The following PRRX1 variants were observed in gnomAD, a reference collection of about 807,000 sequenced individuals.
PRRX1 encodes the protein paired mesoderm homeobox protein 1.
In PRRX1, 8 loss-of-function variants were observed where a neutral mutation model predicts 24.0. The observed-to-expected ratio is 0.33, with a 90% confidence interval of 0.20 to 0.60. The LOEUF (loss-of-function observed/expected upper bound fraction) is 0.60. PRRX1 is among the 20% of genes least tolerant of loss of function. PRRX1 has a pLI of 0.82. For synonymous variants in PRRX1, 160 were observed against 131.7 expected, an observed-to-expected ratio of 1.22 and a Z score of -1.47; for missense variants, 281 against 322.4, an observed-to-expected ratio of 0.87 and a Z score of 0.98.
intron 1 of PRRX1, among the ~76,000 whole-genome samples, chr1:170,698,227 T>G (rs1389881984): frequency 6.6e-6 from 1 of 152,220 alleles, no homozygotes; most frequent in African/African-American, 2.4e-5. Flanking sequence ...CCAACTTAAC[T>G]GGCAACAAGG....
chr1:170,719,165 G>C (rs12138799), intron 1 of PRRX1, among the ~76,000 whole-genome samples: 7,855 of 152,282 alleles, frequency 0.052, 267 homozygotes, highest in Middle Eastern at 0.13. Flanking sequence ...TGAGTGAATG[G>C]TGTTAGAAAT....
At chr1:170,688,788 C>T (rs1166340568) in intron 1 of PRRX1, among the ~76,000 whole-genome samples, 1 of 152,108 alleles carries the variant, frequency 6.6e-6, no homozygotes, top group African/African-American at 2.4e-5. Context: ...GAACTGTTTA[C>T]AGGAAATTCC....
rs557831781 is a variant in PRRX1, at chr1:170,697,717, GATATATAAATATATAC to G, written c.242-21993_242-21978del. 7.7e-3 allele frequency among the ~76,000 whole-genome samples: 1,110 copies of G among 144,528 alleles called. 10 individuals carry two copies. Among genetic ancestry groups the G allele is most frequent in the African/African-American group, 0.027 (1,064 of 39,742 alleles). The allele number at this position is 144,528 out of a possible 152,430, so 94.8% of individuals were successfully genotyped here. A position where few individuals can be genotyped will look rare whatever the true frequency, so the allele number is the denominator to read the frequency against. On this transcript the variant is annotated intron_variant, in intron 1 of 3. Coordinates refer to ENST00000239461, the MANE Select transcript of PRRX1 (RefSeq NM_022716.4). ...ATACAAATATCTATACACATATATA[GATATATAAATATATAC>G]ATATATAAATATATATACATATATA...
At chr1:170,710,844 A>T (rs1002177757) in intron 1 of PRRX1, among the ~76,000 whole-genome samples, 4 of 152,328 alleles carry the variant, frequency 2.6e-5, no homozygotes, top group Admixed American at 6.5e-5. Flanking sequence ...GAACCCATAT[A>T]GGCCAGCCCC....
chr1:170,671,234 T>C (rs748834903), intron 1 of PRRX1, among the ~76,000 whole-genome samples: 8 of 152,230 alleles, frequency 5.3e-5, no homozygotes, highest in Non-Finnish European at 7.3e-5. Flanking sequence ...AGTAATAAAG[T>C]TGACATAGGA....
intron 1 of PRRX1, among the ~76,000 whole-genome samples, chr1:170,704,870 AC>A (rs534107577): frequency 1.2e-3 from 179 of 152,326 alleles, no homozygotes; most frequent in Middle Eastern, 3.4e-3. Flanking sequence ...GATCAAACTA[AC>A]AGGCCTAGAT....
At chr1:170,709,729 G>A (rs1654685251) in intron 1 of PRRX1, among the ~76,000 whole-genome samples, 1 of 152,174 alleles carries the variant, frequency 6.6e-6, no homozygotes, top group Non-Finnish European at 1.5e-5. Flanking sequence ...GTGCTCAATA[G>A]ATATTTGTTC....
chr1:170,737,045 AT>A lies in PRRX1; in HGVS notation c.*862del, dbSNP rs1655632688. 1 of 187,136 alleles carries A rather than the reference AT, an allele frequency of 5.3e-6. No individual in the cohort carries two copies. Among genetic ancestry groups the A allele is most frequent in the Non-Finnish European group, 1.1e-5 (1 of 88,526 alleles). 11.6% of individuals were successfully genotyped at this position (187,136 alleles called of 1,614,324 possible). A position where few individuals can be genotyped will look rare whatever the true frequency, so the allele number is the denominator to read the frequency against. ...TTTTTCACCTGAGAGAGGAAGAGAA[AT>A]TTCTCTAGTAACACAAAGAGTGAGT... On this transcript the variant is annotated 3_prime_UTR_variant, in exon 4 of 4. Coordinates refer to ENST00000239461, the MANE Select transcript of PRRX1 (RefSeq NM_022716.4).
chr1:170,710,198 A>T (rs1558056732), intron 1 of PRRX1, among the ~76,000 whole-genome samples: 3 of 152,298 alleles, frequency 2.0e-5, no homozygotes, highest in East Asian at 1.9e-4. Flanking sequence ...AAGTAAAAAA[A>T]CACACCACCA....
In PRRX1 at chr1:170,726,421, T is replaced by A; in HGVS notation, c.599+20T>A. The A allele has an allele frequency of 6.2e-6, 10 of 1,610,040 alleles. No individual in the cohort carries two copies. The highest frequency in any genetic ancestry group is 8.5e-6 in the Non-Finnish European group (10 of 1,176,386). On this transcript the variant is annotated intron_variant, in intron 3 of 3. Transcript: ENST00000239461. ...GTACAGGTGAATGACTGGCCCACTC[T>A]CCCTTGCTCCACTTCCACATGTTTC... is the stretch of plus-strand genomic sequence containing the variant.
At chr1:170,668,704 A>C (rs1653036519) in intron 1 of PRRX1, 1 of 152,186 alleles carries the variant, frequency 6.6e-6, no homozygotes, top group Non-Finnish European at 1.5e-5. Context: ...GGCGCTCCCA[A>C]GTTGGAATTC....
In PRRX1 at chr1:170,723,646, T is replaced by C. The variant is rs529981248; in HGVS notation, c.418-2574T>C. 2.6e-5 allele frequency among the ~76,000 whole-genome samples: 4 copies of C among 152,330 alleles called. No homozygotes were observed. In the East Asian group the frequency reaches 7.7e-4, roughly 29 times the overall value. ...ATTATTTATGTGAATTTCAACAGAT[T>C]ACAGTCATACAATGCTTAACAATGG... On this transcript the variant is annotated intron_variant, in intron 2 of 3. Transcript: ENST00000239461.
rs771291245 is a variant in PRRX1 at position 170,726,331 on chromosome 1, C to G, written c.529C>G (p.Gln177Glu). ...CTCAGGAGACGTGACTGCTGTGGAG[C>G]AGCCCATCGTACCTCGTCCTGCTCC... is the stretch of plus-strand genomic sequence containing the variant. ...SYSGDVTAVE[Q>E]PIVPRPAPRP... Residue 177 changes from glutamine to glutamate, a missense_variant, in exon 3 of 4, where the codon CAG becomes GAG. By Grantham distance (29) the Gln-to-Glu change is conservative. Coordinates refer to ENST00000239461, the MANE Select transcript of PRRX1 (RefSeq NM_022716.4). 35 of 1,613,980 alleles carry G rather than the reference C, an allele frequency of 2.2e-5. No individual in the cohort carries two copies. The highest frequency in any genetic ancestry group is 2.6e-5 in the Non-Finnish European group (31 of 1,180,002).
rs566830489 is a variant in PRRX1 at position 170,730,890 on chromosome 1, CA to C, written c.599+4496del. Among the ~76,000 whole-genome samples the C allele has an allele frequency of 2.2e-3, 329 of 151,746 alleles. 2 individuals carry two copies. The highest frequency in any genetic ancestry group is 0.01 in the Middle Eastern group (3 of 294). Reference sequence around the variant, plus strand: ...ACCTATCGATAAGCAGTGTGCGCTTCAAAAAAAGTCTTGCAACAATAGAAAG... The same window carrying C: ...ACCTATCGATAAGCAGTGTGCGCTTCAAAAAAGTCTTGCAACAATAGAAAG... On this transcript the variant is annotated intron_variant, in intron 3 of 3. Coordinates refer to ENST00000239461, the MANE Select transcript of PRRX1 (RefSeq NM_022716.4).
rs74225329 is a variant in PRRX1 at position 170,699,766 on chromosome 1, C to T, written c.242-19960C>T. On this transcript the variant is annotated intron_variant, in intron 1 of 3. Transcript: ENST00000239461. ...AGTGAATGGATTTGAGAAGGAGTCT[C>T]GCTCTGTCACCTAGGCTGGAGTGTG... Among the ~76,000 whole-genome samples the T allele has an allele frequency of 1.4e-3, 212 of 152,010 alleles. 6 individuals carry two copies. In the East Asian group the frequency reaches 0.026, roughly 19 times the overall value.
chr1:170,688,311 A>C (rs1260739534), intron 1 of PRRX1, among the ~76,000 whole-genome samples: 1 of 152,100 alleles, frequency 6.6e-6, no homozygotes, highest in South Asian at 2.1e-4. Flanking sequence ...CTGAAACTGG[A>C]CTGTACTGAG....
chr1:170,672,467 A>G (rs533606996), intron 1 of PRRX1, among the ~76,000 whole-genome samples: 2 of 152,284 alleles, frequency 1.3e-5, no homozygotes, highest in Middle Eastern at 3.4e-3. Context: ...GAATAAGAAC[A>G]TTCACCCCAT....
intron 1 of PRRX1, among the ~76,000 whole-genome samples, chr1:170,670,100 C>G (rs1429519413): frequency 1.3e-5 from 2 of 152,138 alleles, no homozygotes; most frequent in African/African-American, 2.4e-5. Flanking sequence ...GGATAAGGGG[C>G]CAACTCTCCG....
Position 170,703,777 on chromosome 1 carries a change from C to A in PRRX1, c.242-15949C>A, listed in dbSNP as rs892868502. Among the ~76,000 whole-genome samples the A allele has an allele frequency of 3.3e-5, 5 of 152,174 alleles. No homozygotes were observed. In the East Asian group the frequency reaches 9.6e-4, roughly 29 times the overall value. Reference sequence around the variant, plus strand: ...GAGTTTGCTGAAAGACAGTGAGTGACAGGTCTGGCTCTCAAGGCTCTGTCT... The same window carrying A: ...GAGTTTGCTGAAAGACAGTGAGTGAAAGGTCTGGCTCTCAAGGCTCTGTCT... On this transcript the variant is annotated intron_variant, in intron 1 of 3. Transcript: ENST00000239461.
Sources: allele counts gnomAD v4.1 joint callset (sites outside exome capture counted in the v4.1 genomes callset), GRCh38; gene constraint gnomAD v4.1.1; transcripts MANE v1.5; gene names NCBI Gene and HGNC (gene_info 2026-07-23, HGNC 2026-07-21).